TUBB8: variants seen among roughly 807,000 people sequenced by gnomAD.
TUBB8 encodes the protein tubulin beta 8 class VIII.
A neutral mutation model predicts 33.7 loss-of-function variants in TUBB8; 25 were observed. The observed-to-expected ratio is 0.74, with a 90% CI of 0.54 to 1.04. TUBB8 has a LOEUF of 1.04. TUBB8 is among the 50% of genes least tolerant of loss of function. TUBB8 has a pLI of 0.00. For missense variants in TUBB8, 279 were observed against 608.0 expected (o/e 0.46, Z 5.69); for synonymous variants, 245 against 240.1 (o/e 1.02, Z -0.19).
upstream of TUBB8, among the ~76,000 whole-genome samples, chr10:75,944 G>C (rs1834807672): frequency 6.6e-6 from 1 of 151,898 alleles, no homozygotes; most frequent in Admixed American, 6.6e-5. Context: ...TTCGAGACCA[G>C]CCTGGCCAAC....
chr10:54,320 C>A (rs1359459992), intron 1 of TUBB8, among the ~76,000 whole-genome samples: 7 of 151,086 alleles, frequency 4.6e-5, no homozygotes, highest in African/African-American at 1.7e-4. Context: ...ACTTATTTCA[C>A]TTAACATAAA....
At chr10:55,082 G>T (rs1217969699) in intron 1 of TUBB8, among the ~76,000 whole-genome samples, 2 of 152,220 alleles carry the variant, frequency 1.3e-5, no homozygotes, top group African/African-American at 4.8e-5. Flanking sequence ...AAAGGAAATA[G>T]ATTTAACTGA....
upstream of TUBB8, among the ~76,000 whole-genome samples, chr10:52,294 G>T (rs1188805461): frequency 6.6e-6 from 1 of 152,168 alleles, no homozygotes; most frequent in Non-Finnish European, 1.5e-5. Flanking sequence ...TATGTGGATT[G>T]TTTTCCTTGG....
intron 1 of TUBB8, among the ~76,000 whole-genome samples, chr10:63,915 T>C (rs1164621069): frequency 6.6e-6 from 1 of 152,170 alleles, no homozygotes; most frequent in African/African-American, 2.4e-5. Flanking sequence ...TCTGGGCTTG[T>C]TGGTGCCCAT....
rs1253670098 is a variant in TUBB8, at chr10:74,028, C to CCCAGGT, written c.-911_-906dup. ...TCCCTGTCCTCACAGCGGACGCGGC[C>CCCAGGT]CCAGGTGTCCCAAGCCCCGGCCCCT... On this transcript the variant is annotated 5_prime_UTR_variant, in exon 1 of 4. Coordinates refer to the TUBB8 transcript ENST00000564130. 2 of 155,606 alleles carry CCCAGGT rather than the reference C, an allele frequency of 1.3e-5. 1 individual carries two copies. The highest frequency in any genetic ancestry group is 3.0e-5 in the Non-Finnish European group (2 of 67,768). 9.6% of individuals were successfully genotyped at this position (155,606 alleles called of 1,614,324 possible).
upstream of TUBB8, among the ~76,000 whole-genome samples, chr10:74,551 C>T (rs1272600276): frequency 3.3e-5 from 5 of 149,914 alleles, no homozygotes; most frequent in Non-Finnish European, 7.4e-5. Flanking sequence ...CCCTTGAACC[C>T]GGGAGGTGGA....
At position 48,916 on chromosome 10, in the gene TUBB8, C is replaced by A. The variant is rs1183324564; in HGVS notation, c.58-4G>T. The A allele has an allele frequency of 2.6e-5, 40 of 1,513,860 alleles. No individual in the cohort carries two copies. In the East Asian group the frequency reaches 9.2e-4, roughly 35 times the overall value. The allele number at this position is 1,513,860 out of a possible 1,614,324, so 93.8% of individuals were successfully genotyped here. ...CATCAGAGATCACCTCCCAGAACTG[C>A]AAGAGACGGGAGGAGACAGACAGGC... On this transcript the variant is annotated splice_polypyrimidine_tract_variant and splice_region_variant and intron_variant, in intron 1 of 3. Transcript: ENST00000568584.
chr10:72,380 G>A (rs1393212073), intron 1 of TUBB8, among the ~76,000 whole-genome samples: 1 of 151,728 alleles, frequency 6.6e-6, no homozygotes, highest in Non-Finnish European at 1.5e-5. Context: ...CCAACATGGT[G>A]AAACCCCACC....
chr10:58,033 T>G (rs576487036), intron 1 of TUBB8, among the ~76,000 whole-genome samples: 1 of 152,366 alleles, frequency 6.6e-6, no homozygotes, highest in African/African-American at 2.4e-5. Flanking sequence ...AGGCCACATC[T>G]TGAACGCTTT....
At chr10:66,579 G>A (rs1353925768) in intron 1 of TUBB8, among the ~76,000 whole-genome samples, 4 of 151,946 alleles carry the variant, frequency 2.6e-5, no homozygotes, top group Non-Finnish European at 4.4e-5. Flanking sequence ...AGCCCAGGAG[G>A]TTTAGGCTGC....
At chr10:51,040 G>A (rs552110779), upstream of TUBB8, among the ~76,000 whole-genome samples, 28 of 152,354 alleles carry the variant, frequency 1.8e-4, no homozygotes, top group African/African-American at 6.3e-4. Context: ...CATATATTGT[G>A]GGAGGGACCC....
intron 1 of TUBB8, among the ~76,000 whole-genome samples, chr10:68,642 T>C (rs1233025251): frequency 2.6e-5 from 4 of 152,250 alleles, no homozygotes; most frequent in Non-Finnish European, 4.4e-5. Flanking sequence ...AATCTTGCAA[T>C]AGCAGTGTAA....
At chr10:49,101 G>A (rs1184062000) in intron 1 of TUBB8, 81 bp downstream of exon 1, 39 of 1,453,998 alleles carry the variant, frequency 2.7e-5, no homozygotes, top group Non-Finnish European at 3.6e-5. Flanking sequence ...GCAATGCATG[G>A]GCACCGCCCC....
chr10:68,313 C>T (rs1250185358), intron 1 of TUBB8, among the ~76,000 whole-genome samples: 4 of 152,214 alleles, frequency 2.6e-5, no homozygotes, highest in Non-Finnish European at 4.4e-5. Flanking sequence ...TGATATGACA[C>T]TCATAAGACT....
chr10:76,139 CAAA>C (rs71374333), upstream of TUBB8, among the ~76,000 whole-genome samples: 2 of 73,354 alleles, frequency 2.7e-5, no homozygotes, highest in Non-Finnish European at 4.8e-5. Flanking sequence ...AACTCCGTCT[CAAA>C]AAAAAAAAAA....
upstream of TUBB8, chr10:74,272 T>A (rs1392985917): frequency 2.6e-5 from 4 of 151,422 alleles, no homozygotes; most frequent in South Asian, 8.3e-4. Flanking sequence ...TTCCAGGCCC[T>A]GATTTTGGAA....
At chr10:50,946 GA>G (rs1380031251), upstream of TUBB8, among the ~76,000 whole-genome samples, 18 of 152,194 alleles carry the variant, frequency 1.2e-4, no homozygotes, top group African/African-American at 4.3e-4. Context: ...TGGCCTGCTA[GA>G]ATCAATTTGT....
chr10:68,326 T>C (rs557182932), intron 1 of TUBB8, among the ~76,000 whole-genome samples: 58 of 152,284 alleles, frequency 3.8e-4, no homozygotes, highest in African/African-American at 1.3e-3. Context: ...ATAAGACTGA[T>C]GGGACACCTG....
intron 1 of TUBB8, among the ~76,000 whole-genome samples, chr10:66,949 G>A (rs1279403497): frequency 6.6e-6 from 1 of 152,122 alleles, no homozygotes; most frequent in Non-Finnish European, 1.5e-5. Context: ...CTCCAGCCTG[G>A]GAGACAGAGT....
Sources: gnomAD v4.1 joint callset for allele counts (sites outside exome capture counted in the v4.1 genomes callset) on GRCh38, gnomAD v4.1.1 for gene constraint, MANE v1.5 for transcripts, NCBI Gene and HGNC (gene_info 2026-07-23, HGNC 2026-07-21) for gene names.